Variants in YIPF4 observed in about 807,000 individuals in gnomAD.
YIPF4 encodes protein YIPF4.
A neutral mutation model predicts 29.4 loss-of-function variants in YIPF4; 18 were observed. The observed-to-expected ratio is 0.61, with a 90% confidence interval of 0.42 to 0.91. The LOEUF is 0.91. Among genes scored for constraint, YIPF4 ranks in the 40% least tolerant of loss-of-function variants. The pLI, the probability that YIPF4 is intolerant of heterozygous loss-of-function variation, is 0.00. For missense variants in YIPF4, 279 were observed against 282.7 expected (o/e 0.99, Z 0.09); for synonymous variants, 115 against 104.7 (o/e 1.10, Z -0.60).
At position 32,305,915 on chromosome 2, in the gene YIPF4, C is replaced by A. The variant is rs185678233; in HGVS notation, c.*289C>A. On this transcript the variant is annotated 3_prime_UTR_variant, in exon 6 of 6. Transcript: ENST00000238831. The stretch of plus-strand genomic sequence containing the variant: ...GATTGTGTCGATATTCACCTAAAAA[C>A]TTGTGCCAAAAGCACCTGGATTGGT... 1.3e-3 allele frequency: 1,370 copies of A among 1,033,040 alleles called. 15 individuals are homozygous for A. In the African/African-American group the frequency reaches 0.022, roughly 16 times the overall value. The allele number at this position is 1,033,040 out of a possible 1,614,324, so 64.0% of individuals were successfully genotyped here.
rs1486351298 is a variant in YIPF4, at chr2:32,314,015, AAGGCC to A, written c.*8391_*8395del. The A allele has an allele frequency of 6.6e-6, 1 of 152,258 alleles. No individual in the cohort carries two copies. Among genetic ancestry groups the A allele is most frequent in the Non-Finnish European group, 1.5e-5 (1 of 68,054 alleles). 9.4% of individuals were successfully genotyped at this position (152,258 alleles called of 1,614,324 possible). A position where few individuals can be genotyped will look rare whatever the true frequency, so the allele number is the denominator to read the frequency against. Reference sequence around the variant, plus strand: ...AGCCAGAAACGTGCTTTTAATACTAAAGGCCAAGATATGCAATTATACTCTTGACA... The same window carrying A: ...AGCCAGAAACGTGCTTTTAATACTAAAAGATATGCAATTATACTCTTGACA... On this transcript the variant is annotated 3_prime_UTR_variant, in exon 6 of 6. Coordinates refer to ENST00000238831, the MANE Select transcript of YIPF4 (RefSeq NM_032312.4).
At chr2:32,300,397 GCA>G (rs1328540509) in intron 4 of YIPF4, among the ~76,000 whole-genome samples, 1 of 149,602 alleles carries the variant, frequency 6.7e-6, no homozygotes, top group Non-Finnish European at 1.5e-5. Flanking sequence ...TCGCGCCACT[GCA>G]CTCCAGTGTG....
chr2:32,305,574 A>G lies in YIPF4; in HGVS notation c.683A>G (p.Tyr228Cys). 6.2e-7 allele frequency: 1 copy of G among 1,609,972 alleles called. No homozygotes were observed. Among genetic ancestry groups the G allele is most frequent in the Admixed American group, 1.7e-5 (1 of 59,552 alleles). Residue 228 changes from tyrosine (Y) to cysteine (C), a missense_variant, in exon 6 of 6, where the codon TAT (tyrosine) becomes TGT (cysteine). Transcript: ENST00000238831. ...AAGACCAAAAAGCCTCTTCTGATTT[A>G]TCCAATCTTTTTATTATACATTTAT... ...EFKTKKPLLI[Y>C]PIFLLYIYFL...
chr2:32,299,151 G>T (rs963156995), intron 4 of YIPF4, among the ~76,000 whole-genome samples: 2 of 152,096 alleles, frequency 1.3e-5, no homozygotes, highest in Non-Finnish European at 2.9e-5. Context: ...TAGGATTACC[G>T]GTGTGAACCA....
chr2:32,301,346 T>G (rs2031397253), intron 4 of YIPF4, 36 bp from the exon 5 acceptor site: 5 of 1,325,190 alleles, frequency 3.8e-6, no homozygotes, highest in Non-Finnish European at 5.4e-6. Flanking sequence ...TATCTTGATT[T>G]CAATGATATT....
intron 1 of YIPF4, among the ~76,000 whole-genome samples, chr2:32,285,968 T>C (rs1470042164): frequency 6.6e-6 from 1 of 152,240 alleles, no homozygotes; most frequent in Non-Finnish European, 1.5e-5. Flanking sequence ...TGAAGTATGA[T>C]ATATAGTATG....
rs2031663672 is a variant in YIPF4, at chr2:32,309,194, A to G, written c.*3568A>G. On this transcript the variant is annotated 3_prime_UTR_variant, in exon 6 of 6. Transcript: ENST00000238831. ...ATGTGTCCATTTCCAGGAATTCCCCAAATACTCATACAGCCATTGAGCACC... is the reference window on the plus strand; with the variant it reads ...ATGTGTCCATTTCCAGGAATTCCCCGAATACTCATACAGCCATTGAGCACC... 1 of 152,164 alleles carries G rather than the reference A, an allele frequency of 6.6e-6. No individual in the cohort carries two copies. Among genetic ancestry groups the G allele is most frequent in the African/African-American group, 2.4e-5 (1 of 41,436 alleles). 9.4% of individuals were successfully genotyped at this position (152,164 alleles called of 1,614,324 possible).
intron 5 of YIPF4, among the ~76,000 whole-genome samples, chr2:32,302,843 A>G (rs2031451942): frequency 6.6e-6 from 1 of 152,234 alleles, no homozygotes; most frequent in African/African-American, 2.4e-5. Flanking sequence ...TCAATATAAA[A>G]GAAATAATGA....
intron 1 of YIPF4, among the ~76,000 whole-genome samples, chr2:32,281,907 A>AT (rs1288951053): frequency 6.9e-6 from 1 of 145,864 alleles, no homozygotes; most frequent in Non-Finnish European, 1.5e-5. Flanking sequence ...AAAAAAAAAA[A>AT]AAAAAAAAGG....
chr2:32,284,207 T>G (rs552899418), intron 1 of YIPF4, among the ~76,000 whole-genome samples: 25 of 152,204 alleles, frequency 1.6e-4, no homozygotes, highest in Non-Finnish European at 3.4e-4. Flanking sequence ...TCATAGATTT[T>G]ATAAACAACC....
intron 3 of YIPF4, among the ~76,000 whole-genome samples, chr2:32,294,186 C>T (rs561542545): frequency 8.5e-5 from 13 of 152,104 alleles, no homozygotes; most frequent in East Asian, 1.9e-4. Context: ...ACCTCCCTCC[C>T]GGACGGGGTG....
chr2:32,293,825 G>T (rs563905439), intron 3 of YIPF4, among the ~76,000 whole-genome samples: 1 of 149,204 alleles, frequency 6.7e-6, no homozygotes, highest in Non-Finnish European at 1.5e-5. Flanking sequence ...CGGACGGGGC[G>T]GCTGGCCAGG....
At chr2:32,281,346 A>G (rs2030405209) in intron 1 of YIPF4, among the ~76,000 whole-genome samples, 1 of 151,396 alleles carries the variant, frequency 6.6e-6, no homozygotes, top group African/African-American at 2.4e-5. Flanking sequence ...GGATCAAGTG[A>G]TTCTCCTGCC....
chr2:32,280,311 T>C (rs1192895468), intron 1 of YIPF4, among the ~76,000 whole-genome samples: 1 of 151,398 alleles, frequency 6.6e-6, no homozygotes, highest in African/African-American at 2.4e-5. Flanking sequence ...TGTATTTTTT[T>C]AGTAGAGACG....
At chr2:32,294,132 T>C (rs1447550081) in intron 3 of YIPF4, among the ~76,000 whole-genome samples, 2 of 133,274 alleles carry the variant, frequency 1.5e-5, no homozygotes, top group African/African-American at 2.9e-5. Context: ...ACCCCCCCAC[T>C]TCCCTCCCAG....
rs909522246 is a variant in YIPF4, at chr2:32,278,139, T to C, written c.-17T>C. The C allele has an allele frequency of 1.3e-6, 2 of 1,547,528 alleles. No individual in the cohort carries two copies. Among genetic ancestry groups the C allele is most frequent in the East Asian group, 2.5e-5 (1 of 40,472 alleles). On this transcript the variant is annotated 5_prime_UTR_variant, in exon 1 of 6. Coordinates refer to ENST00000238831, the MANE Select transcript of YIPF4 (RefSeq NM_032312.4). Reference sequence around the variant, plus strand: ...CCGCAGCCTCTTCTACCGCGGCCGGTTGGGAGTCGCCGCGAGATGCAGCCT... The same window carrying C: ...CCGCAGCCTCTTCTACCGCGGCCGGCTGGGAGTCGCCGCGAGATGCAGCCT...
At chr2:32,295,213 C>G (rs1190788942) in intron 3 of YIPF4, among the ~76,000 whole-genome samples, 1 of 152,134 alleles carries the variant, frequency 6.6e-6, no homozygotes, top group Non-Finnish European at 1.5e-5. Context: ...CTTTCAGATA[C>G]TTTATCACCA....
At chr2:32,290,999 C>T (rs2030886032) in intron 2 of YIPF4, 1 of 152,970 alleles carries the variant, frequency 6.5e-6, no homozygotes, top group Non-Finnish European at 1.5e-5. Flanking sequence ...ATTACCACTC[C>T]AAAATCTCTT....
In YIPF4 at chr2:32,290,492, G is replaced by C. The variant is rs777122283; in HGVS notation, c.89G>C (p.Gly30Ala). 8.3e-6 allele frequency: 13 copies of C among 1,561,262 alleles called. 1 individual carries two copies. In the Middle Eastern group the frequency reaches 1.4e-3, roughly 164 times the overall value. The stretch of plus-strand genomic sequence containing the variant: ...CCTCTTTTCTCCTAAGATCTCAGTG[G>C]TTCAATAGCATCCCCAGATGTCAAA... The part of the protein sequence containing the change: ...VSSADAEDLS[G>A]SIASPDVKLN... Residue 30 changes from glycine to alanine, a missense_variant, in exon 2 of 6, where the codon GGT (glycine) becomes GCT (alanine). By Grantham distance (60) the Gly-to-Ala change is moderately conservative. Coordinates refer to ENST00000238831, the MANE Select transcript of YIPF4 (RefSeq NM_032312.4).
Sources: allele counts gnomAD v4.1 joint callset (sites outside exome capture counted in the v4.1 genomes callset), GRCh38; gene constraint gnomAD v4.1.1; transcripts MANE v1.5; gene names NCBI Gene and HGNC (gene_info 2026-07-23, HGNC 2026-07-21).